Variants in STX6 observed in about 807,000 individuals in gnomAD.
The protein encoded by STX6 is syntaxin 6.
In STX6, 23 loss-of-function variants were observed where a neutral mutation model predicts 38.0. The ratio of observed to expected loss-of-function variants is 0.60; its 90% CI spans 0.43 to 0.86. The LOEUF is 0.86. Ranked by LOEUF, STX6 falls within the 40% of genes least tolerant of loss-of-function variation. STX6 has a pLI of 0.00. For synonymous variants in STX6, 123 were observed against 107.5 expected (o/e 1.14, Z -0.89); for missense variants, 274 against 312.9 (o/e 0.88, Z 0.94).
intron 7 of STX6, among the ~76,000 whole-genome samples, chr1:180,978,210 A>C (rs1206133458): frequency 1.3e-5 from 2 of 152,236 alleles, no homozygotes; most frequent in Admixed American, 6.5e-5. Flanking sequence ...ACAAGTAAAA[A>C]GCTGAACAAA....
chr1:180,991,428 G>C (rs1655754655), intron 4 of STX6, among the ~76,000 whole-genome samples: 1 of 152,172 alleles, frequency 6.6e-6, no homozygotes, highest in Non-Finnish European at 1.5e-5. Context: ...TGAGGAAATA[G>C]TGACAATTTT....
intron 1 of STX6, among the ~76,000 whole-genome samples, chr1:181,007,075 G>T (rs966584449): frequency 1.3e-5 from 2 of 152,198 alleles, no homozygotes; most frequent in East Asian, 3.8e-4. Context: ...ATTTAGTGGA[G>T]AAAGAGCTAT....
chr1:180,995,510 T>C (rs1041940191), intron 3 of STX6, among the ~76,000 whole-genome samples: 8 of 152,212 alleles, frequency 5.3e-5, no homozygotes, highest in African/African-American at 1.9e-4. Context: ...TTATTTAATA[T>C]TATTAAAAAC....
rs55654509 is a variant in STX6, at chr1:181,008,727, GTTT to G, written c.36-3267_36-3265del. 1.3e-4 allele frequency among the ~76,000 whole-genome samples: 14 copies of G among 108,726 alleles called. 1 individual carries two copies. The highest frequency in any genetic ancestry group is 8.8e-4 in the East Asian group (3 of 3,418). 71.3% of individuals were successfully genotyped at this position (108,726 alleles called of 152,430 possible). ...TAGTTGATATAAGCTTTCCAAAATT[GTTT>G]TTTTTTTTTTTTTTTTTTTAAACAA... On this transcript the variant is annotated intron_variant, in intron 1 of 7. Coordinates refer to ENST00000258301, the MANE Select transcript of STX6 (RefSeq NM_005819.6).
In STX6 at chr1:181,022,686, C is replaced by T. The variant is rs1213327463; in HGVS notation, c.-13G>A. 1.0e-5 allele frequency: 16 copies of T among 1,606,234 alleles called. No individual in the cohort carries two copies. Among genetic ancestry groups the T allele is most frequent in the South Asian group, 3.3e-5 (3 of 90,034 alleles). ...CCTCCATGGACATGGCGTCCCGGCCCCGGCCGCCTTCACCTCCTCCGCGCA... is the reference window on the plus strand; with the variant it reads ...CCTCCATGGACATGGCGTCCCGGCCTCGGCCGCCTTCACCTCCTCCGCGCA... On this transcript the variant is annotated 5_prime_UTR_variant, in exon 1 of 8. Transcript: ENST00000258301.
intron 1 of STX6, among the ~76,000 whole-genome samples, chr1:181,016,462 C>T (rs1184279038): frequency 1.3e-5 from 2 of 152,296 alleles, no homozygotes; most frequent in African/African-American, 2.4e-5. Context: ...ATATTAAACA[C>T]TCAAATTTAT....
chr1:180,996,364 G>T (rs140924442), intron 3 of STX6, among the ~76,000 whole-genome samples: 1 of 152,130 alleles, frequency 6.6e-6, no homozygotes, highest in Non-Finnish European at 1.5e-5. Context: ...AGAGAGTTCA[G>T]TGAACAGACA....
intron 6 of STX6, among the ~76,000 whole-genome samples, chr1:180,986,908 AG>A (rs934265952): frequency 1.8e-4 from 27 of 152,190 alleles, no homozygotes; most frequent in African/African-American, 6.5e-4. Context: ...ACTGAACTTT[AG>A]GGTCAGGACC....
chr1:180,996,677 A>G (rs1655923993), intron 3 of STX6, among the ~76,000 whole-genome samples: 1 of 151,952 alleles, frequency 6.6e-6, no homozygotes, highest in East Asian at 1.9e-4. Context: ...GGCTCAAACA[A>G]TCCTCCCACC....
chr1:180,985,492 T>G (rs1571328907), intron 6 of STX6, among the ~76,000 whole-genome samples: 2 of 152,316 alleles, frequency 1.3e-5, no homozygotes, highest in East Asian at 3.9e-4. Flanking sequence ...ACTACGTGCT[T>G]TATTATAAAC....
At chr1:181,020,967 C>A (rs1198089384) in intron 1 of STX6, among the ~76,000 whole-genome samples, 2 of 152,148 alleles carry the variant, frequency 1.3e-5, no homozygotes, top group Non-Finnish European at 2.9e-5. Flanking sequence ...GCAGAAGGAA[C>A]TGAGAATCTC....
intron 1 of STX6, among the ~76,000 whole-genome samples, chr1:181,019,588 G>A (rs978311579): frequency 6.6e-6 from 1 of 152,142 alleles, no homozygotes; most frequent in African/African-American, 2.4e-5. Context: ...GGCACTGCTG[G>A]AGTACTAAGG....
At position 181,005,391 on chromosome 1, in the gene STX6, G is replaced by A. The variant is rs373506022; in HGVS notation, c.108C>T (p.Ser36=). ...AGTCGATTTCTTCCCTTGTTGCTGT[G>A]GAGGGGTCCTGGAGGAGCTCTGTCC... ...QRWTELLQDP[S]TATREEIDWT... The change falls in exon 2 of 8, where the codon TCC becomes TCT. Residue 36 remains serine (S), a synonymous_variant. Coordinates refer to ENST00000258301, the MANE Select transcript of STX6 (RefSeq NM_005819.6). 2.4e-5 allele frequency: 38 copies of A among 1,613,922 alleles called. No homozygotes were observed. The highest frequency in any genetic ancestry group is 5.3e-5 in the African/African-American group (4 of 74,898).
rs894522851 is a variant in STX6, at chr1:180,973,451, T to C, written c.*3119A>G. ...AGGTAAAACACTTAACAGAGACAGA[T>C]TTCTGTTGGAGTTAGACTAGATTTC... On this transcript the variant is annotated 3_prime_UTR_variant, in exon 8 of 8. Transcript: ENST00000258301. The C allele has an allele frequency of 2.0e-5, 3 of 152,634 alleles. No individual in the cohort carries two copies. The highest frequency in any genetic ancestry group is 4.8e-5 in the African/African-American group (2 of 41,462). The allele number at this position is 152,634 out of a possible 1,614,324, so 9.5% of individuals were successfully genotyped here.
In STX6 at chr1:180,984,786, A is replaced by G. The variant is rs1655524684; in HGVS notation, c.597-15T>C. On this transcript the variant is annotated splice_polypyrimidine_tract_variant and intron_variant, in intron 6 of 7. Coordinates refer to ENST00000258301, the MANE Select transcript of STX6 (RefSeq NM_005819.6). Reference sequence around the variant, plus strand: ...CTTCCAACATACTAGAGAGAAGCAGACACAGAAGGTCGCTGGTAAGCACAA... The same window carrying G: ...CTTCCAACATACTAGAGAGAAGCAGGCACAGAAGGTCGCTGGTAAGCACAA... The G allele has an allele frequency of 7.6e-7, 1 of 1,308,388 alleles. No individual in the cohort carries two copies. The highest frequency in any genetic ancestry group is 1.1e-6 in the Non-Finnish European group (1 of 902,572). The allele number at this position is 1,308,388 out of a possible 1,614,324, so 81.0% of individuals were successfully genotyped here. A position where few individuals can be genotyped will look rare whatever the true frequency, so the allele number is the denominator to read the frequency against.
rs118070745 is a variant in STX6 at position 180,973,631 on chromosome 1, T to C, written c.*2939A>G. On this transcript the variant is annotated 3_prime_UTR_variant, in exon 8 of 8. Transcript: ENST00000258301. ...TTCAGCTCTGGCGTGCATTCTGAAA[T>C]TGTGGAAGATCCTCATGTAACACAC... 6.5e-6 allele frequency: 1 copy of C among 152,762 alleles called. No homozygotes were observed. Among genetic ancestry groups the C allele is most frequent in the East Asian group, 1.9e-4 (1 of 5,182 alleles). The allele number at this position is 152,762 out of a possible 1,614,324, so 9.5% of individuals were successfully genotyped here.
At chr1:181,010,597 C>T (rs985131851) in intron 1 of STX6, among the ~76,000 whole-genome samples, 2 of 151,976 alleles carry the variant, frequency 1.3e-5, no homozygotes, top group Admixed American at 6.6e-5. Context: ...CCTCCGCGCC[C>T]GGCCTCATGA....
intron 1 of STX6, among the ~76,000 whole-genome samples, chr1:181,015,825 A>C (rs1018397725): frequency 6.6e-6 from 1 of 152,062 alleles, no homozygotes; most frequent in African/African-American, 2.4e-5. Context: ...ACACCCAGCT[A>C]ATTTTTTGTA....
chr1:180,991,202 G>A (rs1464459420), intron 4 of STX6, among the ~76,000 whole-genome samples: 1 of 152,140 alleles, frequency 6.6e-6, no homozygotes, highest in Non-Finnish European at 1.5e-5. Context: ...CAGACTTCAG[G>A]GGCTAGGATC....
Sources: allele counts gnomAD v4.1 joint callset (sites outside exome capture counted in the v4.1 genomes callset), GRCh38; gene constraint gnomAD v4.1.1; transcripts MANE v1.5; gene names NCBI Gene and HGNC (gene_info 2026-07-23, HGNC 2026-07-21).